SQSTM1: variants seen among roughly 807,000 people sequenced by gnomAD.
SQSTM1 encodes the protein sequestosome 1.
A neutral mutation model predicts 45.1 loss-of-function variants in SQSTM1; 36 were observed. That is an observed-to-expected ratio of 0.80 (90% confidence interval 0.61 to 1.05). The LOEUF (loss-of-function observed/expected upper bound fraction) is 1.05, where lower values mean the gene tolerates loss of function less well. Ranked by LOEUF, SQSTM1 falls within the 50% of genes least tolerant of loss-of-function variation. SQSTM1 has a pLI of 0.00. For missense variants in SQSTM1, 617 were observed against 607.1 expected, an observed-to-expected ratio of 1.02 and a Z score of -0.17; for synonymous variants, 290 against 244.3, an observed-to-expected ratio of 1.19 and a Z score of -1.74.
At chr5:179,825,603 G>A (rs902105256) in intron 5 of SQSTM1, among the ~76,000 whole-genome samples, 5 of 152,224 alleles carry the variant, frequency 3.3e-5, no homozygotes, top group African/African-American at 9.6e-5. Flanking sequence ...GACCTGGGTA[G>A]TAGTTAGTTG....
chr5:179,826,888 A>C (rs1236108838), intron 5 of SQSTM1, among the ~76,000 whole-genome samples: 10 of 152,062 alleles, frequency 6.6e-5, no homozygotes, highest in Non-Finnish European at 1.3e-4. Flanking sequence ...GCCAAGAATC[A>C]GTATTCTTAA....
rs751545372 is a variant in SQSTM1 at position 179,833,205 on chromosome 5, C to G, written c.928C>G (p.Gln310Glu). The G allele has an allele frequency of 6.2e-7, 1 of 1,611,212 alleles. No homozygotes were observed. The highest frequency in any genetic ancestry group is 1.7e-5 in the Admixed American group (1 of 59,542). Residue 310 changes from glutamine to glutamate, a missense_variant, in exon 6 of 8, where the codon CAG becomes GAG. Gln to Glu is a conservative substitution (Grantham distance 29). Coordinates refer to ENST00000389805, the MANE Select transcript of SQSTM1 (RefSeq NM_003900.5). ...VEGATQSLAE[Q>E]MRKIALESEG... Reference sequence around the variant, plus strand: ...GGGCGCCACGCAGTCTCTGGCGGAGCAGATGAGGAAGATCGCCTTGGAGTC... The same window carrying G: ...GGGCGCCACGCAGTCTCTGGCGGAGGAGATGAGGAAGATCGCCTTGGAGTC...
intron 1 of SQSTM1, among the ~76,000 whole-genome samples, chr5:179,809,001 G>A (rs1757307745): frequency 6.6e-6 from 1 of 150,742 alleles, no homozygotes. Context: ...GGGACTACAG[G>A]CACCCACCAC....
intron 1 of SQSTM1, among the ~76,000 whole-genome samples, chr5:179,809,317 C>A (rs1373106530): frequency 7.2e-6 from 1 of 138,610 alleles, no homozygotes; most frequent in Non-Finnish European, 1.5e-5. Context: ...CGCCACCACG[C>A]CTGGCTAATT....
chr5:179,809,181 C>T (rs1480268940), intron 1 of SQSTM1, among the ~76,000 whole-genome samples: 9 of 115,942 alleles, frequency 7.8e-5, no homozygotes, highest in Non-Finnish European at 1.6e-4. Flanking sequence ...TTTTTTAAGA[C>T]GGAGTCTCGG....
intron 7 of SQSTM1, among the ~76,000 whole-genome samples, chr5:179,834,234 A>AGGGGGGGGGG (rs1758392477): frequency 5.9e-5 from 1 of 16,808 alleles, no homozygotes; most frequent in African/African-American, 4.2e-4. Flanking sequence ...GGCAGGCAGC[A>AGGGGGGGGGG]GTGGGGGGGT....
chr5:179,821,283 C>A, intron 1 of SQSTM1, 142 bp downstream of exon 1: 1 of 867,520 alleles, frequency 1.2e-6, no homozygotes, highest in Non-Finnish European at 1.6e-6. Context: ...ATGGCGGTGG[C>A]CTGCATGGGT....
At chr5:179,828,402 T>C (rs1338157262) in intron 5 of SQSTM1, among the ~76,000 whole-genome samples, 9 of 149,256 alleles carry the variant, frequency 6.0e-5, no homozygotes, top group Admixed American at 6.0e-4. Context: ...AGACAGACTT[T>C]TGCTCTTGTT....
At chr5:179,826,035 G>A (rs867424481) in intron 5 of SQSTM1, among the ~76,000 whole-genome samples, 1 of 152,184 alleles carries the variant, frequency 6.6e-6, no homozygotes, top group Non-Finnish European at 1.5e-5. Context: ...GGCAGGCTGT[G>A]TCCACCCAGC....
At chr5:179,828,736 C>T (rs1359320471) in intron 5 of SQSTM1, among the ~76,000 whole-genome samples, 1 of 152,168 alleles carries the variant, frequency 6.6e-6, no homozygotes, top group African/African-American at 2.4e-5. Flanking sequence ...TTAAATATTA[C>T]AGATGGAGGT....
upstream of SQSTM1, among the ~76,000 whole-genome samples, chr5:179,813,906 T>C (rs892044490): frequency 6.6e-6 from 1 of 152,184 alleles, no homozygotes; most frequent in Non-Finnish European, 1.5e-5. Flanking sequence ...AAAACTAGCA[T>C]ATTATCTTTC....
chr5:179,834,456 C>T (rs931402979), intron 7 of SQSTM1, among the ~76,000 whole-genome samples: 3 of 151,448 alleles, frequency 2.0e-5, no homozygotes, highest in Admixed American at 6.6e-5. Flanking sequence ...GGGTGTTTCT[C>T]GCAGAGGGGG....
chr5:179,806,567 C>A lies in SQSTM1; in HGVS notation c.-181C>A. 1 of 1,298,504 alleles carries A rather than the reference C, an allele frequency of 7.7e-7. No individual in the cohort carries two copies. The highest frequency in any genetic ancestry group is 1.0e-6 in the Non-Finnish European group (1 of 996,042). The allele number at this position is 1,298,504 out of a possible 1,614,324, so 80.4% of individuals were successfully genotyped here. ...GAAGAGCAGCAGCGTCAGGAAGGTG[C>A]CATTGCGGAGCCTCATCTCCTCGGG... is the stretch of plus-strand genomic sequence containing the variant. On this transcript the variant is annotated 5_prime_UTR_variant, in exon 1 of 6. Transcript: ENST00000514093. The surrounding 1 kb of genome is among the most constrained non-coding windows in gnomAD (Gnocchi z 4.6).
chr5:179,834,242 GGT>G lies in SQSTM1; in HGVS notation c.1165+462_1165+463del, dbSNP rs377074264. ...ATGGTGTGGCAGGCAGCAGTGGGGGGGTGGGGGGTGGGGACAGCTGACAGAAA... is the reference window on the plus strand; with the variant it reads ...ATGGTGTGGCAGGCAGCAGTGGGGGGGGGGGGTGGGGACAGCTGACAGAAA... On this transcript the variant is annotated intron_variant, in intron 7 of 7. Coordinates refer to ENST00000389805, the MANE Select transcript of SQSTM1 (RefSeq NM_003900.5). 3.5e-3 allele frequency among the ~76,000 whole-genome samples: 353 copies of G among 100,212 alleles called. 13 individuals are homozygous for G. The highest frequency in any genetic ancestry group is 0.015 in the African/African-American group (330 of 22,150). The allele number at this position is 100,212 out of a possible 152,430, so 65.7% of individuals were successfully genotyped here.
At chr5:179,833,886 A>G (rs1758368279) in intron 7 of SQSTM1, 104 bp downstream of exon 7, 4 of 1,295,894 alleles carry the variant, frequency 3.1e-6, no homozygotes, top group Non-Finnish European at 3.3e-6. Flanking sequence ...GATGTTCTCC[A>G]CTGCAGGGCT....
At chr5:179,821,326 CTG>C (rs1757766937) in intron 1 of SQSTM1, among the ~76,000 whole-genome samples, 185 bp downstream of exon 1, 1 of 152,204 alleles carries the variant, frequency 6.6e-6, no homozygotes, top group South Asian at 2.1e-4. Context: ...GGCCTGGTGA[CTG>C]GAGTGGTGAC....
chr5:179,833,035 T>G lies in SQSTM1; in HGVS notation c.758T>G (p.Ile253Ser). ...SVAAALSPLG[I>S]EVDIDVEHGG... ...CTCTTTCCTCCTCCGCCTCTAGGCA[T>G]TGAAGTTGATATCGATGTGGAGCAC... Residue 253 changes from isoleucine (I) to serine (S), a missense_variant, in exon 6 of 8, where the codon ATT (isoleucine) becomes AGT (serine). Ile to Ser is a moderately radical substitution (Grantham distance 142). Transcript: ENST00000389805. The G allele has an allele frequency of 1.2e-6, 2 of 1,614,028 alleles. No homozygotes were observed. Among genetic ancestry groups the G allele is most frequent in the Non-Finnish European group, 1.7e-6 (2 of 1,179,956 alleles).
At chr5:179,831,076 T>G (rs910864035) in intron 5 of SQSTM1, among the ~76,000 whole-genome samples, 4 of 152,224 alleles carry the variant, frequency 2.6e-5, no homozygotes, top group African/African-American at 9.6e-5. Context: ...GTATACAGTC[T>G]TAATTATTTT....
At chr5:179,816,848 C>A (rs534355128), upstream of SQSTM1, among the ~76,000 whole-genome samples, 1 of 152,304 alleles carries the variant, frequency 6.6e-6, no homozygotes, top group South Asian at 2.1e-4. Context: ...CTTTGGGGTA[C>A]CCCAGCAGTG....
Sources: allele counts gnomAD v4.1 joint callset (sites outside exome capture counted in the v4.1 genomes callset), GRCh38; gene constraint gnomAD v4.1.1; non-coding constraint Gnocchi (gnomAD v3.1); transcripts MANE v1.5; gene names NCBI Gene and HGNC (gene_info 2026-07-23, HGNC 2026-07-21).